Variants in ADCY7 observed in about 807,000 individuals in gnomAD.
The protein encoded by ADCY7 is adenylate cyclase type 7.
Under a neutral mutation model 120.6 loss-of-function variants are expected in ADCY7, and 72 were observed. That is an observed-to-expected ratio of 0.60 (90% confidence interval 0.49 to 0.73). ADCY7 has a LOEUF of 0.73. ADCY7 is among the 30% of genes least tolerant of loss of function. The pLI is 0.00. For missense variants in ADCY7, 1,227 were observed against 1,486.0 expected, an observed-to-expected ratio of 0.83 and a Z score of 2.87; for synonymous variants, 661 against 628.0, an observed-to-expected ratio of 1.05 and a Z score of -0.78.
At chr16:50,299,841 C>T (rs1165170837) in intron 8 of ADCY7, among the ~76,000 whole-genome samples, 2 of 152,174 alleles carry the variant, frequency 1.3e-5, no homozygotes, top group East Asian at 1.9e-4. Context: ...TTGGTGGACA[C>T]GTGGTGCCGC....
At chr16:50,303,279 G>A (rs912744201) in intron 10 of ADCY7, among the ~76,000 whole-genome samples, 11 of 152,192 alleles carry the variant, frequency 7.2e-5, no homozygotes, top group African/African-American at 1.4e-4. Flanking sequence ...ATTCCACGTG[G>A]CTCCCGTGGC....
upstream of ADCY7, chr16:50,266,509 G>C (rs547191930): frequency 1.8e-5 from 3 of 164,730 alleles, no homozygotes; most frequent in African/African-American, 7.2e-5. Flanking sequence ...CGCCGCTGCT[G>C]CCGCTGCCGG....
chr16:50,311,589 C>A (rs2036463039), intron 19 of ADCY7, 104 bp from the exon 20 acceptor site: 2 of 763,648 alleles, frequency 2.6e-6, no homozygotes, highest in African/African-American at 1.7e-5. Flanking sequence ...CCATTAGAAT[C>A]AATTTTCCCC....
chr16:50,267,721 A>G (rs2033309981), intron 1 of ADCY7, among the ~76,000 whole-genome samples: 1 of 152,214 alleles, frequency 6.6e-6, no homozygotes, highest in Non-Finnish European at 1.5e-5. Flanking sequence ...TTGGGGAAAA[A>G]AAAATCTGTA....
At position 50,316,488 on chromosome 16, in the gene ADCY7, A is replaced by T. The variant is rs890595925; in HGVS notation, c.*983A>T. On this transcript the variant is annotated 3_prime_UTR_variant, in exon 26 of 26. Transcript: ENST00000673801. ...AGAAAGGAATGGAGTCTGTTTAGAG[A>T]CAACTTGGACAACCTGTGAGTGCAT... 3 of 152,318 alleles carry T rather than the reference A, an allele frequency of 2.0e-5. No homozygotes were observed. The highest frequency in any genetic ancestry group is 4.4e-5 in the Non-Finnish European group (3 of 68,036). The allele number at this position is 152,318 out of a possible 1,614,324, so 9.4% of individuals were successfully genotyped here.
chr16:50,250,594 C>T (rs2032729876), intron 1 of ADCY7, among the ~76,000 whole-genome samples: 1 of 149,594 alleles, frequency 6.7e-6, no homozygotes, highest in African/African-American at 2.5e-5. Flanking sequence ...TGTGGTGAAA[C>T]TCTGTCTCTA....
upstream of ADCY7, among the ~76,000 whole-genome samples, chr16:50,244,945 T>C (rs2032537443): frequency 6.6e-6 from 1 of 152,094 alleles, no homozygotes; most frequent in African/African-American, 2.4e-5. Flanking sequence ...GGGATGTAAG[T>C]CTCAGGTGGG....
At chr16:50,250,945 G>T (rs954249146) in intron 1 of ADCY7, among the ~76,000 whole-genome samples, 1 of 152,136 alleles carries the variant, frequency 6.6e-6, no homozygotes, top group Admixed American at 6.5e-5. Context: ...TTTAAAAAAT[G>T]CCTGTCTTGC....
chr16:50,280,637 A>G (rs1288390809), intron 1 of ADCY7, among the ~76,000 whole-genome samples: 1 of 152,216 alleles, frequency 6.6e-6, no homozygotes. Context: ...TCAAAGAACA[A>G]CTTTCTACCC....
At chr16:50,304,314 G>C in intron 10 of ADCY7, 46 bp from the exon 11 acceptor site, 1 of 1,381,278 alleles carries the variant, frequency 7.2e-7, no homozygotes, top group African/African-American at 1.5e-5. Flanking sequence ...TTCCTGGGCC[G>C]AGAGGGGAGG....
chr16:50,305,773 A>T lies in ADCY7; in HGVS notation c.1680-4A>T, dbSNP rs748018049. On this transcript the variant is annotated splice_region_variant and splice_polypyrimidine_tract_variant and intron_variant, in intron 13 of 25. Coordinates refer to ENST00000673801, the MANE Select transcript of ADCY7 (RefSeq NM_001114.5). ...CATCTCACCGCAGCTGCCCCCGCCCACAGGCCCTGCTGCTCCAAGTCCGAT... is the reference window on the plus strand; with the variant it reads ...CATCTCACCGCAGCTGCCCCCGCCCTCAGGCCCTGCTGCTCCAAGTCCGAT... The T allele has an allele frequency of 1.2e-6, 2 of 1,613,650 alleles. No individual in the cohort carries two copies. Among genetic ancestry groups the T allele is most frequent in the Admixed American group, 3.3e-5 (2 of 60,006 alleles).
intron 17 of ADCY7, 49 bp downstream of exon 17, chr16:50,308,841 C>T (rs1245009224): frequency 6.4e-7 from 1 of 1,556,094 alleles, no homozygotes; most frequent in Admixed American, 1.8e-5. Flanking sequence ...GGGAGACCTC[C>T]AGATTTGGGA....
intron 1 of ADCY7, among the ~76,000 whole-genome samples, chr16:50,247,013 C>G (rs373480398): frequency 2.0e-5 from 3 of 152,238 alleles, no homozygotes; most frequent in African/African-American, 7.2e-5. Context: ...TCGGCTGAAG[C>G]CCCCTCGGGC....
intron 1 of ADCY7, among the ~76,000 whole-genome samples, chr16:50,283,142 C>T (rs1050418838): frequency 2.5e-4 from 38 of 152,320 alleles, no homozygotes; most frequent in African/African-American, 7.9e-4. Flanking sequence ...GCTTGTTAGA[C>T]GCAACAAACT....
chr16:50,263,453 A>G (rs2033111140), upstream of ADCY7, among the ~76,000 whole-genome samples: 1 of 152,090 alleles, frequency 6.6e-6, no homozygotes, highest in Admixed American at 6.5e-5. Flanking sequence ...GGCAGGAGGT[A>G]TTGCTCAGTG....
At chr16:50,283,524 TG>T (rs1223483603) in intron 1 of ADCY7, among the ~76,000 whole-genome samples, 1 of 152,262 alleles carries the variant, frequency 6.6e-6, no homozygotes, top group East Asian at 1.9e-4. Flanking sequence ...TTGGCCACAC[TG>T]GGGTCATGTG....
chr16:50,286,578 T>C (rs2034597674), intron 1 of ADCY7, among the ~76,000 whole-genome samples: 1 of 152,126 alleles, frequency 6.6e-6, no homozygotes, highest in African/African-American at 2.4e-5. Flanking sequence ...GCCTGATGCA[T>C]GTCCCCAAAT....
At chr16:50,307,301 G>T (rs899721428) in intron 15 of ADCY7, among the ~76,000 whole-genome samples, 154 bp downstream of exon 15, 1 of 152,134 alleles carries the variant, frequency 6.6e-6, no homozygotes. Flanking sequence ...CACACCTTGA[G>T]TTACCAACAC....
At chr16:50,314,473 G>A in intron 24 of ADCY7, 67 bp downstream of exon 24, 1 of 1,158,280 alleles carries the variant, frequency 8.6e-7, no homozygotes, top group Non-Finnish European at 1.3e-6. Flanking sequence ...AGTCTGTGTG[G>A]CACAGCTGCA....
Sources: allele counts gnomAD v4.1 joint callset (sites outside exome capture counted in the v4.1 genomes callset), GRCh38; gene constraint gnomAD v4.1.1; transcripts MANE v1.5; gene names NCBI Gene and HGNC (gene_info 2026-07-23, HGNC 2026-07-21).